Variants in ATG10 observed in about 807,000 individuals in gnomAD.
The protein encoded by ATG10 is autophagy related 10, also known as ubiquitin-like-conjugating enzyme ATG10.
Under a neutral mutation model 32.1 loss-of-function variants are expected in ATG10, and 30 were observed. The observed-to-expected ratio is 0.94, with a 90% CI of 0.70 to 1.27. The LOEUF is 1.27. ATG10 is among the 50% of genes most tolerant of loss of function. The pLI, the probability that ATG10 is intolerant of heterozygous loss-of-function variation, is 0.00. For missense variants in ATG10, 233 were observed against 262.3 expected, an observed-to-expected ratio of 0.89 and a Z score of 0.77; for synonymous variants, 87 against 91.5, an observed-to-expected ratio of 0.95 and a Z score of 0.28.
chr5:81,988,305 T>G (rs1761349425), intron 2 of ATG10, among the ~76,000 whole-genome samples: 1 of 151,474 alleles, frequency 6.6e-6, no homozygotes, highest in Non-Finnish European at 1.5e-5. Context: ...CCTGCCTAAA[T>G]TTTTTGTATT....
rs181232675 is a variant in ATG10, at chr5:82,160,087, A to G, written c.217-4312A>G. Among the ~76,000 whole-genome samples the G allele has an allele frequency of 1.5e-3, 233 of 152,212 alleles. 2 individuals carry two copies. Among genetic ancestry groups the G allele is most frequent in the South Asian group, 6.6e-3 (32 of 4,826 alleles). ...TGTGTATTTGGTTCTGTACAGTTTT[A>G]TCACATGTGTAGGCTTACATATCCA... On this transcript the variant is annotated intron_variant, in intron 3 of 7. Transcript: ENST00000282185.
Position 81,993,360 on chromosome 5 carries a change from C to CTTTCTTTCTTTCCTTCTTTCT in ATG10, c.108+5684_108+5685insTCTTTCTTTCCTTCTTTCTTT. ...CCTTCTTTCTTTCTTTCTTTCTTTC[C>CTTTCTTTCTTTCCTTCTTTCT]TTCTTTTCTTTTCTTTTCTTTTCTT... On this transcript the variant is annotated intron_variant, in intron 2 of 7. Coordinates refer to ENST00000282185, the MANE Select transcript of ATG10 (RefSeq NM_031482.5). Among the ~76,000 whole-genome samples, 196 of 46,792 alleles carry CTTTCTTTCTTTCCTTCTTTCT rather than the reference C, an allele frequency of 4.2e-3. 12 individuals are homozygous for CTTTCTTTCTTTCCTTCTTTCT. The highest frequency in any genetic ancestry group is 4.9e-3 in the Non-Finnish European group (121 of 24,754). The allele number at this position is 46,792 out of a possible 152,430, so 30.7% of individuals were successfully genotyped here.
chr5:82,101,798 G>A (rs1252783169), intron 3 of ATG10, among the ~76,000 whole-genome samples: 1 of 152,154 alleles, frequency 6.6e-6, no homozygotes, highest in Non-Finnish European at 1.5e-5. Flanking sequence ...TATGTGCCAA[G>A]ACTATTTCAA....
At chr5:82,017,365 T>C (rs1483243786) in intron 2 of ATG10, among the ~76,000 whole-genome samples, 1 of 152,208 alleles carries the variant, frequency 6.6e-6, no homozygotes, top group African/African-American at 2.4e-5. Flanking sequence ...GACAGTTTGA[T>C]GTCCTCTTTA....
chr5:82,043,222 G>C (rs912219361), intron 2 of ATG10, among the ~76,000 whole-genome samples: 4 of 152,232 alleles, frequency 2.6e-5, no homozygotes, highest in Admixed American at 6.5e-5. Context: ...CCAAGGCTTG[G>C]GATTTGCACC....
chr5:82,035,017 T>TA (rs1315837716), intron 2 of ATG10, among the ~76,000 whole-genome samples: 1 of 152,150 alleles, frequency 6.6e-6, no homozygotes, highest in Non-Finnish European at 1.5e-5. Flanking sequence ...GTTCAAGCGA[T>TA]ACCCCTGCTT....
intron 1 of ATG10, among the ~76,000 whole-genome samples, chr5:81,986,684 C>T (rs1304441593): frequency 5.3e-5 from 8 of 151,888 alleles, no homozygotes; most frequent in Admixed American, 3.3e-4. Flanking sequence ...GATTTTAATT[C>T]AATTGAACAA....
At chr5:81,998,179 C>G (rs1479395191) in intron 2 of ATG10, among the ~76,000 whole-genome samples, 1 of 152,238 alleles carries the variant, frequency 6.6e-6, no homozygotes, top group East Asian at 1.9e-4. Context: ...ATCAGGTTAA[C>G]AGCAGACCTT....
intron 2 of ATG10, among the ~76,000 whole-genome samples, chr5:82,023,733 A>G (rs1762513406): frequency 6.6e-6 from 1 of 152,262 alleles, no homozygotes; most frequent in Non-Finnish European, 1.5e-5. Context: ...TTCTTGAAAG[A>G]AACAAGCCCT....
chr5:81,991,346 A>G lies in ATG10; in HGVS notation c.108+3668A>G, dbSNP rs143136276. ...TTTTTTTAAATTGTTGTATTGATGT[A>G]TAATTGGCATACAATAAACTACATA... On this transcript the variant is annotated intron_variant, in intron 2 of 7. Coordinates refer to ENST00000282185, the MANE Select transcript of ATG10 (RefSeq NM_031482.5). 3.9e-3 allele frequency among the ~76,000 whole-genome samples: 592 copies of G among 152,222 alleles called. 7 individuals are homozygous for G. Among genetic ancestry groups the G allele is most frequent in the African/African-American group, 0.013 (559 of 41,526 alleles).
At chr5:82,016,629 A>T (rs1762293523) in intron 2 of ATG10, among the ~76,000 whole-genome samples, 1 of 150,604 alleles carries the variant, frequency 6.6e-6, no homozygotes, top group African/African-American at 2.4e-5. Context: ...TGATGGTGGT[A>T]TTTTGATGGG....
At chr5:82,088,032 A>G (rs1325723673) in intron 3 of ATG10, among the ~76,000 whole-genome samples, 1 of 152,200 alleles carries the variant, frequency 6.6e-6, no homozygotes, top group Non-Finnish European at 1.5e-5. Context: ...AATAAAAAGA[A>G]AGAAAATGGT....
At chr5:82,055,978 G>T (rs1195311624) in intron 2 of ATG10, among the ~76,000 whole-genome samples, 1 of 152,184 alleles carries the variant, frequency 6.6e-6, no homozygotes, top group Admixed American at 6.6e-5. Context: ...GCCTACGTAT[G>T]TAGGAGGCCA....
intron 1 of ATG10, among the ~76,000 whole-genome samples, chr5:81,981,891 T>C (rs181538742): frequency 1.1e-4 from 16 of 152,350 alleles, no homozygotes; most frequent in Admixed American, 2.6e-4. Context: ...ACAATGATTA[T>C]ATACAGTGTT....
intron 2 of ATG10, among the ~76,000 whole-genome samples, chr5:81,989,841 C>T (rs568310481): frequency 5.3e-4 from 80 of 152,226 alleles, no homozygotes; most frequent in African/African-American, 1.9e-3. Context: ...CTGCCTGCCT[C>T]GGCCTCCCAA....
At chr5:81,992,486 C>T (rs1488760804) in intron 2 of ATG10, 1 of 152,096 alleles carries the variant, frequency 6.6e-6, no homozygotes, top group Non-Finnish European at 1.5e-5. Context: ...GCCACAACCT[C>T]TGCCTCCCAG....
intron 3 of ATG10, among the ~76,000 whole-genome samples, chr5:82,098,306 G>C (rs1306040018): frequency 1.1e-4 from 15 of 142,648 alleles, no homozygotes; most frequent in South Asian, 2.2e-4. Flanking sequence ...TATTGTTGTT[G>C]GGTTTTTTTT....
At chr5:82,141,813 C>T (rs2149865953) in intron 3 of ATG10, among the ~76,000 whole-genome samples, 1 of 151,752 alleles carries the variant, frequency 6.6e-6, no homozygotes, top group East Asian at 1.9e-4. Flanking sequence ...CACACATACA[C>T]ACATACACAC....
At chr5:82,012,648 ATGTTTT>A (rs995314882) in intron 2 of ATG10, among the ~76,000 whole-genome samples, 1 of 151,826 alleles carries the variant, frequency 6.6e-6, no homozygotes, top group African/African-American at 2.4e-5. Context: ...AGCAAGCACT[ATGTTTT>A]TGTTTTTACT....
Sources: allele counts gnomAD v4.1 joint callset (sites outside exome capture counted in the v4.1 genomes callset), GRCh38; gene constraint gnomAD v4.1.1; transcripts MANE v1.5; gene names NCBI Gene and HGNC (gene_info 2026-07-23, HGNC 2026-07-21).